NRG1: variants seen among roughly 807,000 people sequenced by gnomAD.
NRG1 encodes the protein pro-neuregulin-1, membrane-bound isoform.
NRG1 carries 18 observed loss-of-function variants against 63.8 expected under a neutral mutation model. The ratio of observed to expected loss-of-function variants is 0.28; its 90% CI spans 0.19 to 0.42. The LOEUF (loss-of-function observed/expected upper bound fraction) is 0.42. Among genes scored for constraint, NRG1 ranks in the 10% least tolerant of loss-of-function variants. The pLI, the probability that NRG1 is intolerant of heterozygous loss-of-function variation, is 1.00. For synonymous variants in NRG1, 302 were observed against 301.3 expected, an observed-to-expected ratio of 1.00 and a Z score of -0.02; for missense variants, 762 against 814.7, an observed-to-expected ratio of 0.94 and a Z score of 0.79.
chr8:32,169,756 G>C (rs573046219), intron 1 of NRG1, among the ~76,000 whole-genome samples: 2 of 152,264 alleles, frequency 1.3e-5, no homozygotes, highest in Admixed American at 1.3e-4. Context: ...CAAACTATGG[G>C]TAACACAAAA....
intron 1 of NRG1, among the ~76,000 whole-genome samples, chr8:32,491,796 G>A (rs543516288): frequency 1.3e-5 from 2 of 152,290 alleles, no homozygotes; most frequent in East Asian, 3.9e-4. Context: ...TCCTGAACTT[G>A]GGCCACTTCC....
At chr8:32,003,290 A>G (rs1813241005) in intron 1 of NRG1, among the ~76,000 whole-genome samples, 1 of 152,236 alleles carries the variant, frequency 6.6e-6, no homozygotes, top group East Asian at 1.9e-4. Context: ...CAGTAAGGAT[A>G]TAAAATCAGT....
chr8:32,693,683 GA>G (rs763533134), intron 5 of NRG1, among the ~76,000 whole-genome samples: 1 of 151,416 alleles, frequency 6.6e-6, no homozygotes, highest in Non-Finnish European at 1.5e-5. Flanking sequence ...TACTTGGTCT[GA>G]AAAAAAACTA....
At chr8:32,168,691 C>G (rs1839661881) in intron 1 of NRG1, among the ~76,000 whole-genome samples, 1 of 152,116 alleles carries the variant, frequency 6.6e-6, no homozygotes, top group Non-Finnish European at 1.5e-5. Context: ...ATTAGAAAAT[C>G]AATGTGTCCT....
Position 31,952,207 on chromosome 8 carries a change from G to A in NRG1, c.37+312776G>A, listed in dbSNP as rs144421741. On this transcript the variant is annotated intron_variant, in intron 1 of 10. Coordinates refer to the NRG1 transcript ENST00000519301. Reference sequence around the variant, plus strand: ...CTAATTTATTCAGCATCCCTTTAGCGCCTACTAGAAACCAAGTATCATGAC... The same window carrying A: ...CTAATTTATTCAGCATCCCTTTAGCACCTACTAGAAACCAAGTATCATGAC... Among the ~76,000 whole-genome samples the A allele has an allele frequency of 1.9e-3, 284 of 152,250 alleles. 2 individuals carry two copies. The East Asian group carries it at 0.019, about 10-fold the overall frequency.
chr8:31,650,402 C>T (rs1804717212), intron 1 of NRG1, among the ~76,000 whole-genome samples: 1 of 152,128 alleles, frequency 6.6e-6, no homozygotes. Flanking sequence ...TCTTTCTCAC[C>T]TTCCCATATG....
chr8:32,369,052 C>T (rs7818224), intron 1 of NRG1, among the ~76,000 whole-genome samples: 1,789 of 152,288 alleles, frequency 0.012, 33 homozygotes, highest in African/African-American at 0.04. Flanking sequence ...TATTTTTATC[C>T]TGTGTTCCAC....
At chr8:32,699,891 C>T (rs761178296) in intron 5 of NRG1, among the ~76,000 whole-genome samples, 4 of 151,978 alleles carry the variant, frequency 2.6e-5, no homozygotes, top group Non-Finnish European at 4.4e-5. Flanking sequence ...TTTAATAACT[C>T]GAATTATTTA....
intron 1 of NRG1, among the ~76,000 whole-genome samples, chr8:32,485,584 A>G (rs574323387): frequency 6.6e-6 from 1 of 152,216 alleles, no homozygotes; most frequent in Non-Finnish European, 1.5e-5. Context: ...GCAGACACTC[A>G]AGAAGGAAGG....
At position 32,548,617 on chromosome 8, in the gene NRG1, G is replaced by A. The variant is rs1346771267; in HGVS notation, c.-110G>A. On this transcript the variant is annotated 5_prime_UTR_variant, in exon 1 of 12. Coordinates refer to ENST00000356819, the Ensembl canonical transcript of NRG1. ...GCAGCGCGAGCGCCTCAGCGCGGCC[G>A]CTCGCTCTCCCCCTCGAGGGACAAA... is the stretch of plus-strand genomic sequence containing the variant. The A allele has an allele frequency of 2.9e-6, 4 of 1,390,512 alleles. No individual in the cohort carries two copies. The Admixed American group carries it at 1.0e-4, about 36-fold the overall frequency. 86.1% of individuals were successfully genotyped at this position (1,390,512 alleles called of 1,614,324 possible).
intron 1 of NRG1, among the ~76,000 whole-genome samples, chr8:32,499,351 T>C (rs1213334762): frequency 6.6e-6 from 1 of 152,190 alleles, no homozygotes; most frequent in Non-Finnish European, 1.5e-5. Context: ...AAGCCAGTTT[T>C]TGAGTCCAGA....
intron 1 of NRG1, among the ~76,000 whole-genome samples, chr8:32,044,913 C>CAAAAAAAAAAAA: frequency 7.5e-4 from 43 of 57,118 alleles, no homozygotes; most frequent in African/African-American, 9.7e-4. Context: ...TAAAGAAAAG[C>CAAAAAAAAAAAA]AAAAAAAAAA....
intron 1 of NRG1, among the ~76,000 whole-genome samples, chr8:31,927,103 T>G (rs1002700833): frequency 6.6e-6 from 1 of 152,218 alleles, no homozygotes; most frequent in African/African-American, 2.4e-5. Context: ...TTATTCCATA[T>G]TAGCTCTATG....
chr8:32,323,236 A>C (rs1375094657), intron 1 of NRG1, among the ~76,000 whole-genome samples: 1 of 152,182 alleles, frequency 6.6e-6, no homozygotes, highest in African/African-American at 2.4e-5. Context: ...CCAACTTATC[A>C]AAAGTTTAAT....
At chr8:32,755,572 T>TAGGA (rs1007906417) in intron 8 of NRG1, among the ~76,000 whole-genome samples, 4 of 152,004 alleles carry the variant, frequency 2.6e-5, no homozygotes, top group African/African-American at 9.7e-5. Context: ...GTTACCAGAG[T>TAGGA]AGGAACATGT....
rs571471684 is a variant in NRG1, at chr8:31,843,508, T to C, written c.37+204077T>C. Among the ~76,000 whole-genome samples the C allele has an allele frequency of 2.6e-5, 4 of 152,296 alleles. No individual in the cohort carries two copies. The South Asian group carries it at 6.2e-4, about 24-fold the overall frequency. On this transcript the variant is annotated intron_variant, in intron 1 of 10. Transcript: ENST00000519301. ...ACAATGAGGGAAGTTGGCCTCACTT[T>C]ATTTATAAAGGTGCACCTAAGGCTG...
At chr8:32,304,979 C>T (rs1283946247) in intron 1 of NRG1, among the ~76,000 whole-genome samples, 1 of 152,028 alleles carries the variant, frequency 6.6e-6, no homozygotes. Flanking sequence ...CATGCCACTG[C>T]ACTCCAGCCT....
chr8:32,130,180 A>G (rs1477076077), intron 1 of NRG1, among the ~76,000 whole-genome samples: 3 of 151,846 alleles, frequency 2.0e-5, no homozygotes, highest in Non-Finnish European at 2.9e-5. Flanking sequence ...TCATTTGTCC[A>G]TTGATGTCTT....
chr8:32,771,695 T>C (rs1831805506), downstream of NRG1, among the ~76,000 whole-genome samples: 1 of 91,744 alleles, frequency 1.1e-5, no homozygotes, highest in South Asian at 4.8e-4. Flanking sequence ...TTCAGACATA[T>C]TCCATTTCTT....
Sources: allele counts gnomAD v4.1 joint callset (sites outside exome capture counted in the v4.1 genomes callset), GRCh38; gene constraint gnomAD v4.1.1; transcripts MANE v1.5; gene names NCBI Gene and HGNC (gene_info 2026-07-23, HGNC 2026-07-21).